The following CTDSP2 variants were observed in gnomAD, a reference collection of about 807,000 sequenced individuals.
The protein encoded by CTDSP2 is carboxy-terminal domain RNA polymerase II polypeptide A small phosphatase 2.
In CTDSP2, 9 loss-of-function variants were observed where a neutral mutation model predicts 31.6. The ratio of observed to expected loss-of-function variants is 0.28; its 90% CI spans 0.17 to 0.50. The LOEUF (loss-of-function observed/expected upper bound fraction) is 0.50. Among genes scored for constraint, CTDSP2 ranks in the 20% least tolerant of loss-of-function variants. The probability of loss-of-function intolerance (pLI) is 0.98; values close to 1 mark genes in which losing one functional copy is unlikely to be tolerated. For synonymous variants in CTDSP2, 134 were observed against 134.5 expected (o/e 1.00, Z 0.03); for missense variants, 267 against 348.5 (o/e 0.77, Z 1.86).
In CTDSP2 at chr12:57,822,835, A is replaced by G. The variant is rs1224086099; in HGVS notation, c.*767T>C. ...AAGAGAATTTTAAAACACAGTCAAA[A>G]GAACGGAAATCAGTTATCTGTCCTC... On this transcript the variant is annotated 3_prime_UTR_variant, in exon 8 of 8. Coordinates refer to ENST00000398073, the MANE Select transcript of CTDSP2 (RefSeq NM_005730.4). 3 of 152,654 alleles carry G rather than the reference A, an allele frequency of 2.0e-5. No individual in the cohort carries two copies. Among genetic ancestry groups the G allele is most frequent in the Admixed American group, 1.3e-4 (2 of 15,294 alleles). 9.5% of individuals were successfully genotyped at this position (152,654 alleles called of 1,614,324 possible).
chr12:57,838,541 G>A (rs1196635256), intron 1 of CTDSP2, among the ~76,000 whole-genome samples: 1 of 152,226 alleles, frequency 6.6e-6, no homozygotes, highest in Non-Finnish European at 1.5e-5. Context: ...CTCCTGGAAT[G>A]CTTAGATATA....
In CTDSP2 at chr12:57,823,791, C is replaced by T. The variant is rs542428135; in HGVS notation, c.691-64G>A. On this transcript the variant is annotated intron_variant, in intron 7 of 7. Coordinates refer to ENST00000398073, the MANE Select transcript of CTDSP2 (RefSeq NM_005730.4). ...TGCTTCCCCCTCCCTCGCCCCAGAG[C>T]CCTAGAGGGTGGCTGGGTCTTCCTG... 2.0e-5 allele frequency: 32 copies of T among 1,610,930 alleles called. No individual in the cohort carries two copies. The South Asian group carries it at 3.1e-4, about 16-fold the overall frequency.
chr12:57,823,795 A>G lies in CTDSP2; in HGVS notation c.691-68T>C, dbSNP rs981571679. Reference sequence around the variant, plus strand: ...TCCCCCTCCCTCGCCCCAGAGCCCTAGAGGGTGGCTGGGTCTTCCTGGAGG... The same window carrying G: ...TCCCCCTCCCTCGCCCCAGAGCCCTGGAGGGTGGCTGGGTCTTCCTGGAGG... On this transcript the variant is annotated intron_variant, in intron 7 of 7. Transcript: ENST00000398073. 2.3e-5 allele frequency: 37 copies of G among 1,610,502 alleles called. No homozygotes were observed. In the African/African-American group the frequency reaches 4.0e-4, roughly 17 times the overall value.
Position 57,824,325 on chromosome 12 carries a change from G to C in CTDSP2, c.412-6C>G, listed in dbSNP as rs1956169019. 1 of 1,609,152 alleles carries C rather than the reference G, an allele frequency of 6.2e-7. No homozygotes were observed. The highest frequency in any genetic ancestry group is 1.3e-5 in the African/African-American group (1 of 74,794). On this transcript the variant is annotated splice_region_variant and splice_polypyrimidine_tract_variant and intron_variant, in intron 5 of 7. Coordinates refer to ENST00000398073, the MANE Select transcript of CTDSP2 (RefSeq NM_005730.4). ...GGCCTCTTGAGCACATACACCTGAG[G>C]AAGAGCAGAGCAGCCTGTTGGAGGC... is the stretch of plus-strand genomic sequence containing the variant.
Position 57,824,212 on chromosome 12 carries a change from C to T in CTDSP2, c.504+15G>A. 2 of 1,613,508 alleles carry T rather than the reference C, an allele frequency of 1.2e-6. No individual in the cohort carries two copies. Among genetic ancestry groups the T allele is most frequent in the Non-Finnish European group, 8.5e-7 (1 of 1,179,466 alleles). On this transcript the variant is annotated intron_variant, in intron 6 of 7. Coordinates refer to ENST00000398073, the MANE Select transcript of CTDSP2 (RefSeq NM_005730.4). The stretch of plus-strand genomic sequence containing the variant: ...CCACACCCACTCCTGGTTCTTCCCT[C>T]TCACCCCTAGGTACCTTGGCCAGGC...
At chr12:57,846,313 G>A in intron 1 of CTDSP2, 59 bp downstream of exon 1, 2 of 1,502,850 alleles carry the variant, frequency 1.3e-6, no homozygotes, top group South Asian at 2.4e-5. Context: ...GTTCGGGGCT[G>A]TGCTAGCCCC....
In CTDSP2 at chr12:57,831,838, G is replaced by A. The variant is rs577267086; in HGVS notation, c.65-2242C>T. The stretch of plus-strand genomic sequence containing the variant: ...AGGGAGGAGGAAGACAATGTGGTAG[G>A]GGCTACCTAGGAGCAACACACCCAG... On this transcript the variant is annotated intron_variant, in intron 1 of 7. Coordinates refer to ENST00000398073, the MANE Select transcript of CTDSP2 (RefSeq NM_005730.4). Among the ~76,000 whole-genome samples, 3 of 152,322 alleles carry A rather than the reference G, an allele frequency of 2.0e-5. No individual in the cohort carries two copies. The South Asian group carries it at 6.2e-4, about 32-fold the overall frequency.
intron 3 of CTDSP2, 91 bp downstream of exon 3, chr12:57,827,459 GCA>G: frequency 7.3e-7 from 1 of 1,377,882 alleles, no homozygotes; most frequent in Non-Finnish European, 1.0e-6. Context: ...GGCTGGCTAG[GCA>G]CCAAGGACTA....
rs1956167487 is a variant in CTDSP2, at chr12:57,824,108, C to A, written c.505-19G>T. Reference sequence around the variant, plus strand: ...CGGCATACTAGGAGGAGAGAAGATGCCTTAGTTTGGATACACTCCTGGTCC... The same window carrying A: ...CGGCATACTAGGAGGAGAGAAGATGACTTAGTTTGGATACACTCCTGGTCC... On this transcript the variant is annotated intron_variant, in intron 6 of 7. Transcript: ENST00000398073. The A allele has an allele frequency of 1.9e-6, 3 of 1,613,562 alleles. No homozygotes were observed. The highest frequency in any genetic ancestry group is 1.3e-5 in the African/African-American group (1 of 74,960).
At chr12:57,835,984 C>T (rs1166112931) in intron 1 of CTDSP2, among the ~76,000 whole-genome samples, 2 of 152,198 alleles carry the variant, frequency 1.3e-5, no homozygotes, top group African/African-American at 4.8e-5. Flanking sequence ...ACTGTGCTAA[C>T]TCTAAAGCTA....
chr12:57,829,854 G>A (rs1187412432), intron 1 of CTDSP2, among the ~76,000 whole-genome samples: 2 of 152,094 alleles, frequency 1.3e-5, no homozygotes, highest in Admixed American at 6.5e-5. Context: ...TCATTCCATC[G>A]GGGAAGATGG....
intron 4 of CTDSP2, 25 bp from the exon 5 acceptor site, chr12:57,826,427 G>A (rs774542464): frequency 6.2e-6 from 10 of 1,612,426 alleles, no homozygotes; most frequent in Middle Eastern, 1.6e-4. Context: ...AGTTAATGCT[G>A]TCAGCATGGT....
Position 57,831,849 on chromosome 12 carries a change from G to A in CTDSP2, c.65-2253C>T, listed in dbSNP as rs929963076. Among the ~76,000 whole-genome samples, 6 of 152,222 alleles carry A rather than the reference G, an allele frequency of 3.9e-5. No individual in the cohort carries two copies. In the East Asian group the frequency reaches 9.6e-4, roughly 24 times the overall value. Reference sequence around the variant, plus strand: ...AGACAATGTGGTAGGGGCTACCTAGGAGCAACACACCCAGAAAATGTACCA... The same window carrying A: ...AGACAATGTGGTAGGGGCTACCTAGAAGCAACACACCCAGAAAATGTACCA... On this transcript the variant is annotated intron_variant, in intron 1 of 7. Coordinates refer to ENST00000398073, the MANE Select transcript of CTDSP2 (RefSeq NM_005730.4).
chr12:57,828,007 G>C (rs1234274522), intron 2 of CTDSP2, among the ~76,000 whole-genome samples: 1 of 152,118 alleles, frequency 6.6e-6, no homozygotes, highest in Non-Finnish European at 1.5e-5. Flanking sequence ...CTCCTTAGGG[G>C]TTATGTGGGG....
intron 3 of CTDSP2, 134 bp downstream of exon 3, chr12:57,827,418 G>C: frequency 1.1e-6 from 1 of 938,590 alleles, no homozygotes; most frequent in East Asian, 2.6e-5. Context: ...AACAAGTATG[G>C]GGAACAAATG....
chr12:57,832,015 T>C (rs1021970636), intron 1 of CTDSP2, among the ~76,000 whole-genome samples: 3 of 152,142 alleles, frequency 2.0e-5, no homozygotes, highest in Non-Finnish European at 2.9e-5. Flanking sequence ...TACACAGCAG[T>C]TGGACAAGTA....
At chr12:57,833,799 C>T (rs1000892133) in intron 1 of CTDSP2, among the ~76,000 whole-genome samples, 2 of 152,234 alleles carry the variant, frequency 1.3e-5, no homozygotes, top group Non-Finnish European at 2.9e-5. Context: ...AAGGTGAGCA[C>T]TGAGGGAGCT....
chr12:57,832,310 G>T (rs1404449611), intron 1 of CTDSP2, among the ~76,000 whole-genome samples: 1 of 152,206 alleles, frequency 6.6e-6, no homozygotes, highest in Non-Finnish European at 1.5e-5. Context: ...CAGGGACAGG[G>T]ATTTTGTCAT....
chr12:57,833,698 T>A (rs1479003765), intron 1 of CTDSP2, among the ~76,000 whole-genome samples: 1 of 152,202 alleles, frequency 6.6e-6, no homozygotes, highest in African/African-American at 2.4e-5. Context: ...GGGCCTGTCA[T>A]GTCTACAGAG....
Sources: gnomAD v4.1 joint callset for allele counts (sites outside exome capture counted in the v4.1 genomes callset) on GRCh38, gnomAD v4.1.1 for gene constraint, MANE v1.5 for transcripts, NCBI Gene and HGNC (gene_info 2026-07-23, HGNC 2026-07-21) for gene names.